Variants in ZC3H8 observed in about 807,000 individuals in gnomAD.
The protein encoded by ZC3H8 is zinc finger CCCH-type containing 8.
In ZC3H8, 27 loss-of-function variants were observed where a neutral mutation model predicts 42.5. The observed-to-expected ratio is 0.64, with a 90% CI of 0.47 to 0.88. ZC3H8 has a LOEUF of 0.88. Ranked by LOEUF, ZC3H8 falls within the 40% of genes least tolerant of loss-of-function variation. The probability of loss-of-function intolerance (pLI) is 0.00; values close to 1 mark genes in which losing one functional copy is unlikely to be tolerated. For missense variants in ZC3H8, 277 were observed against 336.1 expected (o/e 0.82, Z 1.37); for synonymous variants, 101 against 110.1 (o/e 0.92, Z 0.52).
intron 2 of ZC3H8, among the ~76,000 whole-genome samples, chr2:112,243,278 C>G (rs953488514): frequency 6.6e-5 from 10 of 152,202 alleles, no homozygotes; most frequent in African/African-American, 2.2e-4. Flanking sequence ...AACTGAGGAG[C>G]TTCCGCCTAA....
chr2:112,250,346 A>G, intron 1 of ZC3H8, 74 bp from the exon 2 acceptor site: 3 of 1,071,636 alleles, frequency 2.8e-6, no homozygotes, highest in Non-Finnish European at 3.9e-6. Flanking sequence ...GTTACAATTC[A>G]CTGCTTTGGC....
intron 1 of ZC3H8, among the ~76,000 whole-genome samples, chr2:112,251,797 AT>A (rs1573930073): frequency 6.6e-6 from 1 of 152,178 alleles, no homozygotes; most frequent in East Asian, 1.9e-4. Context: ...AACACTGCCC[AT>A]TCTAAATAGA....
chr2:112,244,936 T>A (rs1685705266), intron 2 of ZC3H8, among the ~76,000 whole-genome samples: 1 of 152,192 alleles, frequency 6.6e-6, no homozygotes, highest in Non-Finnish European at 1.5e-5. Context: ...TTCTAAGTGT[T>A]CAAGGGAAAG....
At position 112,238,457 on chromosome 2, in the gene ZC3H8, A is replaced by G; in HGVS notation, c.228T>C (p.Tyr76=). Residue 76 remains tyrosine, a synonymous_variant, in exon 3 of 9, where the codon TAT becomes TAC. Transcript: ENST00000409573. ...CCTGACTGCAGATATCATTATCACT[A>G]TATACATCATAGTCCTTACTTCTTG... ...RKSRSKDYDV[Y]SDNDICSQES... is the part of the protein sequence containing the mutation. 6.2e-7 allele frequency: 1 copy of G among 1,613,380 alleles called. No homozygotes were observed. The highest frequency in any genetic ancestry group is 8.5e-7 in the Non-Finnish European group (1 of 1,179,860).
At chr2:112,232,067 T>C (rs1685116907) in intron 6 of ZC3H8, 120 bp from the exon 7 acceptor site, 2 of 495,090 alleles carry the variant, frequency 4.0e-6, no homozygotes, top group Non-Finnish European at 3.4e-6. Context: ...CTCATGCCTG[T>C]AGGAGGCGGA....
chr2:112,231,970 GA>G (rs1252584231), intron 6 of ZC3H8, 23 bp from the exon 7 acceptor site: 1 of 1,329,384 alleles, frequency 7.5e-7, no homozygotes, highest in Admixed American at 2.0e-5. Flanking sequence ...TTAAGGAAGA[GA>G]ACAATTTTAA....
chr2:112,226,605 AGC>A (rs1684854136), intron 8 of ZC3H8, among the ~76,000 whole-genome samples: 3 of 150,020 alleles, frequency 2.0e-5, no homozygotes, highest in South Asian at 2.1e-4. Flanking sequence ...AAAAAAAAAA[AGC>A]TCAGGCCCAG....
At chr2:112,219,984 T>G (rs1307296896) in intron 8 of ZC3H8, among the ~76,000 whole-genome samples, 2 of 152,262 alleles carry the variant, frequency 1.3e-5, no homozygotes, top group African/African-American at 4.8e-5. Context: ...TGTCTTTTTA[T>G]GTTTTCCATT....
rs530084106 is a variant in ZC3H8, at chr2:112,211,697, T to A, written c.*4787A>T. 9.8e-5 allele frequency: 15 copies of A among 152,314 alleles called. No individual in the cohort carries two copies. In the South Asian group the frequency reaches 2.9e-3, roughly 29 times the overall value. 9.4% of individuals were successfully genotyped at this position (152,314 alleles called of 1,614,324 possible). On this transcript the variant is annotated 3_prime_UTR_variant, in exon 9 of 9. Transcript: ENST00000409573. ...ATCAATTGTAAAATATATTCCAGTT[T>A]CAGAGATGTTAAATAATGTGTAGCT...
intron 1 of ZC3H8, among the ~76,000 whole-genome samples, chr2:112,252,099 T>A (rs896433076): frequency 1.3e-5 from 2 of 152,220 alleles, no homozygotes; most frequent in Non-Finnish European, 2.9e-5. Flanking sequence ...ACTATGAATA[T>A]CATCTGTATG....
In ZC3H8 at chr2:112,215,073, T is replaced by G. The variant is rs776695681; in HGVS notation, c.*1411A>C. The G allele has an allele frequency of 1.3e-5, 2 of 152,168 alleles. No homozygotes were observed. The highest frequency in any genetic ancestry group is 4.8e-5 in the African/African-American group (2 of 41,500). 9.4% of individuals were successfully genotyped at this position (152,168 alleles called of 1,614,324 possible). ...ATATAAACTTTATATATAAAATCTA[T>G]ACTTTATAAGTATCAAACTATTATA... On this transcript the variant is annotated 3_prime_UTR_variant, in exon 9 of 9. Transcript: ENST00000409573.
chr2:112,231,636 T>C (rs997150139), intron 7 of ZC3H8, among the ~76,000 whole-genome samples: 4 of 152,194 alleles, frequency 2.6e-5, no homozygotes, highest in African/African-American at 9.6e-5. Flanking sequence ...AAATCAGCAA[T>C]GAATATACAT....
At chr2:112,243,237 T>C (rs139645561) in intron 2 of ZC3H8, among the ~76,000 whole-genome samples, 1 of 152,348 alleles carries the variant, frequency 6.6e-6, no homozygotes, top group East Asian at 1.9e-4. Context: ...TTTTTCAGAC[T>C]TTAAGTGCTT....
intron 4 of ZC3H8, among the ~76,000 whole-genome samples, 172 bp from the exon 5 acceptor site, chr2:112,234,408 G>T (rs914455952): frequency 5.2e-4 from 79 of 152,276 alleles, no homozygotes; most frequent in African/African-American, 1.8e-3. Flanking sequence ...TGAATGTTTT[G>T]TCAGTTTCAA....
rs376036949 is a variant in ZC3H8 at position 112,255,014 on chromosome 2, G to C, written c.-33C>G. On this transcript the variant is annotated 5_prime_UTR_variant, in exon 1 of 9. Transcript: ENST00000409573. ...ACAGGTCCTCCCTTTCGCGAGCCGG[G>C]AAGCTACAGAGTAACAACCCGAGAG... 26 of 1,576,926 alleles carry C rather than the reference G, an allele frequency of 1.6e-5. No individual in the cohort carries two copies. Among genetic ancestry groups the C allele is most frequent in the Non-Finnish European group, 2.2e-5 (26 of 1,162,490 alleles).
chr2:112,231,644 C>T (rs534641054), intron 7 of ZC3H8, among the ~76,000 whole-genome samples, 194 bp downstream of exon 7: 3 of 152,266 alleles, frequency 2.0e-5, no homozygotes, highest in Non-Finnish European at 4.4e-5. Context: ...AATGAATATA[C>T]ATCTTCCTTT....
chr2:112,220,261 T>A (rs1684525464), intron 8 of ZC3H8, among the ~76,000 whole-genome samples: 1 of 152,200 alleles, frequency 6.6e-6, no homozygotes, highest in Non-Finnish European at 1.5e-5. Context: ...TATGTACTTT[T>A]AAGTGTGTTT....
At chr2:112,223,790 G>GTAAC (rs1222001919) in intron 8 of ZC3H8, among the ~76,000 whole-genome samples, 1 of 152,160 alleles carries the variant, frequency 6.6e-6, no homozygotes, top group Non-Finnish European at 1.5e-5. Context: ...AGAGAATAAT[G>GTAAC]TAACTACGAA....
chr2:112,224,107 C>G (rs552942573), intron 8 of ZC3H8, among the ~76,000 whole-genome samples: 47 of 152,250 alleles, frequency 3.1e-4, no homozygotes, highest in Middle Eastern at 6.8e-3. Context: ...AATGCCACTG[C>G]ACTCCAGCTT....
Sources: gnomAD v4.1 joint callset for allele counts (sites outside exome capture counted in the v4.1 genomes callset) on GRCh38, gnomAD v4.1.1 for gene constraint, MANE v1.5 for transcripts, NCBI Gene and HGNC (gene_info 2026-07-23, HGNC 2026-07-21) for gene names.